The following FBXO25 variants were observed in gnomAD, a reference collection of about 807,000 sequenced individuals.
FBXO25 encodes F-box only protein 25.
Under a neutral mutation model 51.9 loss-of-function variants are expected in FBXO25, and 45 were observed. That is an observed-to-expected ratio of 0.87 (90% CI 0.68 to 1.11). The LOEUF (loss-of-function observed/expected upper bound fraction) is 1.11, where lower values mean the gene tolerates loss of function less well. Ranked by LOEUF, FBXO25 falls within the 50% of genes most tolerant of loss-of-function variation. The pLI, the probability that FBXO25 is intolerant of heterozygous loss-of-function variation, is 0.00. For missense variants in FBXO25, 507 were observed against 428.5 expected, an observed-to-expected ratio of 1.18 and a Z score of -1.62; for synonymous variants, 199 against 151.0, an observed-to-expected ratio of 1.32 and a Z score of -2.33.
chr8:453,008 C>T (rs1799190006), intron 7 of FBXO25, among the ~76,000 whole-genome samples: 1 of 152,140 alleles, frequency 6.6e-6, no homozygotes, highest in Non-Finnish European at 1.5e-5. Flanking sequence ...TCAGTGCTGA[C>T]CATAGCCAGT....
At chr8:441,991 A>C (rs1158664036) in intron 5 of FBXO25, among the ~76,000 whole-genome samples, 4 of 152,204 alleles carry the variant, frequency 2.6e-5, no homozygotes, top group Non-Finnish European at 5.9e-5. Context: ...TTGACCCAGC[A>C]ATCCCACATG....
At chr8:409,149 A>G (rs963437574) in intron 1 of FBXO25, among the ~76,000 whole-genome samples, 1 of 152,168 alleles carries the variant, frequency 6.6e-6, no homozygotes. Context: ...TCCAGACCCC[A>G]GACGTTTTAA....
chr8:417,650 A>G (rs140422774), intron 2 of FBXO25, among the ~76,000 whole-genome samples: 271 of 152,300 alleles, frequency 1.8e-3, no homozygotes, highest in African/African-American at 6.3e-3. Context: ...TTCCCTTTCC[A>G]GTGAGGTGGT....
chr8:468,873 T>C lies in FBXO25; in HGVS notation c.*69T>C. 1.4e-6 allele frequency: 2 copies of C among 1,469,110 alleles called. No homozygotes were observed. Among genetic ancestry groups the C allele is most frequent in the Non-Finnish European group, 1.9e-6 (2 of 1,072,170 alleles). The allele number at this position is 1,469,110 out of a possible 1,614,324, so 91.0% of individuals were successfully genotyped here. On this transcript the variant is annotated 3_prime_UTR_variant, in exon 10 of 10. Coordinates refer to ENST00000350302, the MANE Select transcript of FBXO25 (RefSeq NM_183420.2). ...TCTGTGCAGGGCTCATAGTGAGTGT[T>C]CTGTGAGGTGGGTGGAGACTCCTCG...
rs558219775 is a variant in FBXO25 at position 406,972 on chromosome 8, C to G, written c.-102C>G. On this transcript the variant is annotated 5_prime_UTR_variant, in exon 1 of 10. Transcript: ENST00000350302. Reference sequence around the variant, plus strand: ...CCACTTCCGGCAATAACCGCCTGGTCGCCGTCAGGTGCGGGCCCAGGTGGC... The same window carrying G: ...CCACTTCCGGCAATAACCGCCTGGTGGCCGTCAGGTGCGGGCCCAGGTGGC... The G allele has an allele frequency of 2.6e-5, 4 of 152,354 alleles. No homozygotes were observed. Among genetic ancestry groups the G allele is most frequent in the Non-Finnish European group, 5.9e-5 (4 of 68,066 alleles). 9.4% of individuals were successfully genotyped at this position (152,354 alleles called of 1,614,324 possible).
chr8:418,787 C>G (rs748873658), intron 2 of FBXO25, among the ~76,000 whole-genome samples: 6 of 151,994 alleles, frequency 3.9e-5, no homozygotes, highest in Non-Finnish European at 8.8e-5. Context: ...GTTTTTTTAA[C>G]CAAGGTAGTT....
At chr8:430,345 T>C (rs959992825) in intron 2 of FBXO25, among the ~76,000 whole-genome samples, 2 of 152,252 alleles carry the variant, frequency 1.3e-5, no homozygotes, top group Non-Finnish European at 2.9e-5. Context: ...TTGTATGTTT[T>C]TCAAATGTGC....
At chr8:407,278 G>A (rs1406189267) in intron 1 of FBXO25, 7 of 879,286 alleles carry the variant, frequency 8.0e-6, no homozygotes, top group Non-Finnish European at 9.5e-6. Context: ...GGTGGGGACC[G>A]GGGGCCTCGG....
rs1469460171 is a variant in FBXO25, at chr8:448,763, AAAATC to A, written c.382-1224_382-1220del. Among the ~76,000 whole-genome samples, 3 of 152,174 alleles carry A rather than the reference AAAATC, an allele frequency of 2.0e-5. No individual in the cohort carries two copies. The East Asian group carries it at 5.8e-4, about 29-fold the overall frequency. ...GGGAGGCACTAAGATGTTATTCACT[AAAATC>A]AAGTTGTAGAGGAGAGGGATGGAAG... On this transcript the variant is annotated intron_variant, in intron 5 of 9. Transcript: ENST00000350302.
intron 7 of FBXO25, among the ~76,000 whole-genome samples, chr8:452,277 A>G (rs1444770374): frequency 1.3e-5 from 2 of 152,222 alleles, no homozygotes; most frequent in Admixed American, 1.3e-4. Flanking sequence ...ATCCTTAATA[A>G]TGTAACATTC....
chr8:407,624 A>T (rs548636017), intron 1 of FBXO25, among the ~76,000 whole-genome samples: 1 of 150,472 alleles, frequency 6.6e-6, no homozygotes, highest in Non-Finnish European at 1.5e-5. Flanking sequence ...TGTTTCGGGG[A>T]CGACTCCTGC....
intron 2 of FBXO25, among the ~76,000 whole-genome samples, chr8:418,917 A>C (rs574811415): frequency 6.6e-6 from 1 of 152,330 alleles, no homozygotes; most frequent in South Asian, 2.1e-4. Context: ...ATGAACTGTA[A>C]AAGGCTAAAA....
intron 2 of FBXO25, among the ~76,000 whole-genome samples, chr8:429,359 G>A (rs1375451268): frequency 6.6e-6 from 1 of 152,088 alleles, no homozygotes; most frequent in Non-Finnish European, 1.5e-5. Context: ...AGAAGTGTCT[G>A]TTGAAGTTGT....
At chr8:452,761 G>C (rs1487604765) in intron 7 of FBXO25, among the ~76,000 whole-genome samples, 6 of 152,224 alleles carry the variant, frequency 3.9e-5, no homozygotes, top group Non-Finnish European at 5.9e-5. Context: ...GGAGCCAGTG[G>C]AGAGATGTGC....
chr8:466,142 C>T (rs1486971790), intron 9 of FBXO25, among the ~76,000 whole-genome samples: 1 of 152,192 alleles, frequency 6.6e-6, no homozygotes, highest in East Asian at 1.9e-4. Context: ...TGAATCCATG[C>T]ATTGGAAGTA....
intron 4 of FBXO25, 44 bp from the exon 5 acceptor site, chr8:435,571 T>G (rs1401405007): frequency 6.3e-7 from 1 of 1,586,470 alleles, no homozygotes; most frequent in East Asian, 2.2e-5. Context: ...TGCCAATTCT[T>G]TTTGGCTAAT....
chr8:412,785 C>G (rs776848710), intron 1 of FBXO25, among the ~76,000 whole-genome samples: 1 of 152,186 alleles, frequency 6.6e-6, no homozygotes, highest in Non-Finnish European at 1.5e-5. Context: ...TCCACACTCC[C>G]TGACCCCTGC....
At chr8:440,692 C>A (rs1337335751) in intron 5 of FBXO25, among the ~76,000 whole-genome samples, 1 of 152,052 alleles carries the variant, frequency 6.6e-6, no homozygotes, top group Non-Finnish European at 1.5e-5. Flanking sequence ...CACCCATCAA[C>A]CCGTCATCTA....
chr8:458,431 C>T lies in FBXO25; in HGVS notation c.723C>T (p.Tyr241=). Residue 241 remains tyrosine (Y), a synonymous_variant, in exon 8 of 10, where the codon TAC becomes TAT. Transcript: ENST00000350302. ...TGCACATGCTGAACAACATCCTATACCGGTTCTCAGACGGATGGGACATCA... is the reference window on the plus strand; with the variant it reads ...TGCACATGCTGAACAACATCCTATATCGGTTCTCAGACGGATGGGACATCA... ...LPLHMLNNIL[Y]RFSDGWDIIT... is the part of the protein sequence containing the mutation. The T allele has an allele frequency of 6.2e-7, 1 of 1,614,206 alleles. No individual in the cohort carries two copies. Among genetic ancestry groups the T allele is most frequent in the Non-Finnish European group, 8.5e-7 (1 of 1,180,024 alleles).
Sources: allele counts gnomAD v4.1 joint callset (sites outside exome capture counted in the v4.1 genomes callset), GRCh38; gene constraint gnomAD v4.1.1; transcripts MANE v1.5; gene names NCBI Gene and HGNC (gene_info 2026-07-23, HGNC 2026-07-21).